The following PHACTR1 variants were observed in gnomAD, a reference collection of about 807,000 sequenced individuals.
PHACTR1 encodes the protein RPEL repeat containing 1.
A neutral mutation model predicts 69.2 loss-of-function variants in PHACTR1; 16 were observed. That is an observed-to-expected ratio of 0.23 (90% confidence interval 0.16 to 0.35). PHACTR1 has a LOEUF of 0.35. PHACTR1 is among the 10% of genes least tolerant of loss of function. The pLI, the probability that PHACTR1 is intolerant of heterozygous loss-of-function variation, is 1.00. For missense variants in PHACTR1, 510 were observed against 734.7 expected, an observed-to-expected ratio of 0.69 and a Z score of 3.54; for synonymous variants, 312 against 284.5, an observed-to-expected ratio of 1.10 and a Z score of -0.97.
intron 2 of PHACTR1, 49 bp downstream of exon 2, chr6:12,717,792 G>T (rs906270638): frequency 2.0e-5 from 3 of 152,024 alleles, no homozygotes; most frequent in African/African-American, 7.2e-5. Flanking sequence ...TAAAAGTTTT[G>T]TCTTACCGGA....
chr6:13,071,083 G>T (rs1178408494), intron 5 of PHACTR1, among the ~76,000 whole-genome samples: 1 of 152,096 alleles, frequency 6.6e-6, no homozygotes, highest in East Asian at 1.9e-4. Flanking sequence ...GTTGGGTGAA[G>T]GCAATTTGTG....
intron 7 of PHACTR1, among the ~76,000 whole-genome samples, chr6:13,193,357 G>GTATATGTATA (rs1554152202): frequency 1.5e-5 from 1 of 68,160 alleles, no homozygotes; most frequent in Non-Finnish European, 3.4e-5. Flanking sequence ...AGCTCTCTGT[G>GTATATGTATA]TATATATATA....
chr6:13,096,563 G>A (rs2127845223), intron 5 of PHACTR1, among the ~76,000 whole-genome samples: 1 of 152,300 alleles, frequency 6.6e-6, no homozygotes, highest in African/African-American at 2.4e-5. Context: ...TTGGGAGGCT[G>A]TGGACACTTG....
intron 6 of PHACTR1, among the ~76,000 whole-genome samples, chr6:13,168,419 T>A (rs1339850009): frequency 1.3e-5 from 2 of 152,198 alleles, no homozygotes. Context: ...TAATAATTAT[T>A]ATTGTAGTGA....
chr6:12,873,882 C>T (rs1365171808), intron 4 of PHACTR1, among the ~76,000 whole-genome samples: 1 of 152,208 alleles, frequency 6.6e-6, no homozygotes, highest in Non-Finnish European at 1.5e-5. Context: ...TTGTAAATAA[C>T]ACTTACTGGA....
At chr6:13,210,312 C>T (rs1393356443) in intron 8 of PHACTR1, among the ~76,000 whole-genome samples, 2 of 152,178 alleles carry the variant, frequency 1.3e-5, no homozygotes, top group East Asian at 3.8e-4. Flanking sequence ...ATGGCACACA[C>T]CTGCAGAGAA....
intron 4 of PHACTR1, among the ~76,000 whole-genome samples, chr6:12,804,216 C>T (rs574284816): frequency 6.6e-6 from 1 of 152,318 alleles, no homozygotes; most frequent in African/African-American, 2.4e-5. Context: ...GAATTATCTG[C>T]TCATTGAATC....
chr6:12,924,232 A>C (rs919552146), intron 4 of PHACTR1, among the ~76,000 whole-genome samples: 1 of 152,214 alleles, frequency 6.6e-6, no homozygotes. Context: ...ATACATAAAT[A>C]TATTTACATA....
At position 12,892,080 on chromosome 6, in the gene PHACTR1, C is replaced by A. The variant is rs1784217500; in HGVS notation, c.250+142290C>A. Among the ~76,000 whole-genome samples the A allele has an allele frequency of 2.7e-5, 4 of 150,690 alleles. No homozygotes were observed. The South Asian group carries it at 6.3e-4, about 24-fold the overall frequency. On this transcript the variant is annotated intron_variant, in intron 4 of 14. Transcript: ENST00000332995. ...TTATGCTAAAAATCCATATTTAATA[C>A]ATTAGTGATATTGTGCTCCTCATGA...
chr6:12,800,599 G>A (rs1043372134), intron 4 of PHACTR1, among the ~76,000 whole-genome samples: 1 of 152,176 alleles, frequency 6.6e-6, no homozygotes, highest in South Asian at 2.1e-4. Context: ...AAGTTTGGAA[G>A]TTGAAGCCAG....
chr6:13,160,138 G>T (rs1037097638), intron 5 of PHACTR1, 66 bp from the exon 6 acceptor site: 1 of 1,378,578 alleles, frequency 7.3e-7, no homozygotes, highest in African/African-American at 1.4e-5. Context: ...TGTTAACATA[G>T]GATCCTTTAG....
intron 6 of PHACTR1, among the ~76,000 whole-genome samples, chr6:13,164,952 C>CT (rs11413166): frequency 0.97 from 144,421 of 149,026 alleles, 70,092 homozygotes; most frequent in Middle Eastern, 1. Flanking sequence ...TATTCAACAG[C>CT]TTTTTTTTTT....
At chr6:12,862,043 G>A (rs1369881333) in intron 4 of PHACTR1, among the ~76,000 whole-genome samples, 3 of 152,166 alleles carry the variant, frequency 2.0e-5, no homozygotes, top group African/African-American at 4.8e-5. Context: ...GGAAGTAAAG[G>A]TGAGGGATCT....
At chr6:12,787,726 C>T (rs973649229) in intron 4 of PHACTR1, among the ~76,000 whole-genome samples, 1 of 152,138 alleles carries the variant, frequency 6.6e-6, no homozygotes, top group African/African-American at 2.4e-5. Context: ...TCCAGAGTGA[C>T]CCTCCTAGAT....
chr6:12,769,900 G>T (rs779458950), intron 4 of PHACTR1, among the ~76,000 whole-genome samples: 3 of 152,192 alleles, frequency 2.0e-5, no homozygotes, highest in Non-Finnish European at 4.4e-5. Flanking sequence ...TTTGTCCCAC[G>T]CCATAGTTCA....
At chr6:13,061,843 C>G (rs1807725729) in intron 5 of PHACTR1, among the ~76,000 whole-genome samples, 1 of 152,104 alleles carries the variant, frequency 6.6e-6, no homozygotes, top group South Asian at 2.1e-4. Context: ...TTTGGCCCAT[C>G]ATATTTTTAA....
At chr6:13,256,227 C>T (rs375799853) in intron 10 of PHACTR1, among the ~76,000 whole-genome samples, 21 of 152,330 alleles carry the variant, frequency 1.4e-4, no homozygotes, top group Non-Finnish European at 2.1e-4. Flanking sequence ...GACTGAGATG[C>T]GGGGAGCAGT....
intron 5 of PHACTR1, among the ~76,000 whole-genome samples, chr6:13,130,964 C>CAAGT (rs1820309011): frequency 6.6e-6 from 1 of 152,050 alleles, no homozygotes; most frequent in Admixed American, 6.6e-5. Context: ...ACACCATGAT[C>CAAGT]AAGTGGGTTT....
At chr6:12,904,428 G>C (rs1785512088) in intron 4 of PHACTR1, among the ~76,000 whole-genome samples, 1 of 151,856 alleles carries the variant, frequency 6.6e-6, no homozygotes, top group South Asian at 2.1e-4. Context: ...CAGCTACTTG[G>C]GAGCCTGAGG....
Sources: allele counts gnomAD v4.1 joint callset (sites outside exome capture counted in the v4.1 genomes callset), GRCh38; gene constraint gnomAD v4.1.1; transcripts MANE v1.5; gene names NCBI Gene and HGNC (gene_info 2026-07-23, HGNC 2026-07-21).